MIPOL1: variants seen among roughly 807,000 people sequenced by gnomAD.
The protein encoded by MIPOL1 is mirror-image polydactyly gene 1 protein.
MIPOL1 carries 57 observed loss-of-function variants against 60.9 expected under a neutral mutation model. That is an observed-to-expected ratio of 0.94 (90% confidence interval 0.76 to 1.17). The LOEUF (loss-of-function observed/expected upper bound fraction) is 1.17, where lower values mean the gene tolerates loss of function less well. MIPOL1 is among the 50% of genes most tolerant of loss of function. The probability of loss-of-function intolerance (pLI) is 0.00; values close to 1 mark genes in which losing one functional copy is unlikely to be tolerated. For synonymous variants in MIPOL1, 179 were observed against 168.8 expected (o/e 1.06, Z -0.47); for missense variants, 551 against 511.6 (o/e 1.08, Z -0.74).
chr14:37,499,458 G>T (rs1051819066), intron 11 of MIPOL1, among the ~76,000 whole-genome samples: 1 of 152,090 alleles, frequency 6.6e-6, no homozygotes, highest in East Asian at 1.9e-4. Flanking sequence ...TATGTAGAAG[G>T]CTGGTCAGTG....
chr14:37,351,751 G>T (rs1391679958), intron 9 of MIPOL1, among the ~76,000 whole-genome samples: 1 of 118,034 alleles, frequency 8.5e-6, no homozygotes, highest in Non-Finnish European at 1.8e-5. Flanking sequence ...CTTTTTGATG[G>T]GGTTGTTTGT....
intron 12 of MIPOL1, among the ~76,000 whole-genome samples, chr14:37,539,485 G>A (rs559082869): frequency 6.6e-6 from 1 of 150,616 alleles, no homozygotes; most frequent in Admixed American, 6.5e-5. Context: ...AGAGATATAA[G>A]TTCCATTTCC....
intron 1 of MIPOL1, among the ~76,000 whole-genome samples, chr14:37,216,169 A>G (rs1967658853): frequency 6.6e-6 from 1 of 152,186 alleles, no homozygotes; most frequent in African/African-American, 2.4e-5. Flanking sequence ...ATTTCAAGAC[A>G]AAAACTATGA....
At chr14:37,262,989 A>G (rs1041801065) in intron 3 of MIPOL1, among the ~76,000 whole-genome samples, 3 of 152,186 alleles carry the variant, frequency 2.0e-5, no homozygotes, top group East Asian at 1.9e-4. Context: ...TTACTTCTGT[A>G]TAGTGGTCAT....
At chr14:37,459,663 G>A (rs1302314933) in intron 11 of MIPOL1, among the ~76,000 whole-genome samples, 11 of 152,062 alleles carry the variant, frequency 7.2e-5, no homozygotes, top group African/African-American at 1.9e-4. Context: ...TCCCTAACCC[G>A]TTCTATGAAA....
In MIPOL1 at chr14:37,268,341, A is replaced by C. The variant is rs557542837; in HGVS notation, c.252-317A>C. On this transcript the variant is annotated intron_variant, in intron 4 of 12. Coordinates refer to ENST00000684589, the MANE Select transcript of MIPOL1 (RefSeq NM_001388067.1). ...AAGTAGGGATAAACATTTTATAACCACATGGGTAAAGTAAATAGTAGAGAT... is the reference window on the plus strand; with the variant it reads ...AAGTAGGGATAAACATTTTATAACCCCATGGGTAAAGTAAATAGTAGAGAT... Among the ~76,000 whole-genome samples, 16 of 152,272 alleles carry C rather than the reference A, an allele frequency of 1.1e-4. No homozygotes were observed. In the South Asian group the frequency reaches 3.1e-3, roughly 30 times the overall value.
intron 11 of MIPOL1, among the ~76,000 whole-genome samples, chr14:37,448,758 A>C (rs1030554225): frequency 6.6e-6 from 1 of 152,190 alleles, no homozygotes; most frequent in African/African-American, 2.4e-5. Context: ...GAGAACTAAA[A>C]ATCTTACTTT....
intron 11 of MIPOL1, among the ~76,000 whole-genome samples, chr14:37,464,622 G>A (rs1337864463): frequency 6.6e-6 from 1 of 152,164 alleles, no homozygotes; most frequent in Non-Finnish European, 1.5e-5. Context: ...TTGAAAAATT[G>A]CCTGTTGGGT....
chr14:37,510,431 T>C (rs760775890), intron 12 of MIPOL1, among the ~76,000 whole-genome samples: 2 of 151,984 alleles, frequency 1.3e-5, no homozygotes, highest in Non-Finnish European at 2.9e-5. Flanking sequence ...GAGATGAGGT[T>C]TTATCATGTT....
chr14:37,501,030 A>G (rs1262056716), intron 12 of MIPOL1, among the ~76,000 whole-genome samples: 1 of 152,168 alleles, frequency 6.6e-6, no homozygotes, highest in Admixed American at 6.5e-5. Flanking sequence ...TGAAAATGTC[A>G]TCTTGACCAT....
intron 12 of MIPOL1, among the ~76,000 whole-genome samples, chr14:37,541,369 C>G (rs888035522): frequency 6.6e-6 from 1 of 152,156 alleles, no homozygotes; most frequent in Non-Finnish European, 1.5e-5. Flanking sequence ...AGACAGTTTC[C>G]TTATGTCCTC....
intron 9 of MIPOL1, among the ~76,000 whole-genome samples, chr14:37,315,419 A>G (rs1173197177): frequency 1.3e-5 from 2 of 152,218 alleles, no homozygotes; most frequent in Non-Finnish European, 2.9e-5. Flanking sequence ...CAGATATTGC[A>G]TCTAAATGCA....
At chr14:37,374,156 T>C (rs1343277237) in intron 10 of MIPOL1, among the ~76,000 whole-genome samples, 1 of 152,212 alleles carries the variant, frequency 6.6e-6, no homozygotes, top group African/African-American at 2.4e-5. Flanking sequence ...TTTCTTCATA[T>C]GTTTGTTGGC....
rs1397759808 is a variant in MIPOL1, at chr14:37,548,989, T to C, written c.*2018T>C. 1 of 151,982 alleles carries C rather than the reference T, an allele frequency of 6.6e-6. No individual in the cohort carries two copies. The highest frequency in any genetic ancestry group is 1.5e-5 in the Non-Finnish European group (1 of 67,848). The allele number at this position is 151,982 out of a possible 1,614,324, so 9.4% of individuals were successfully genotyped here. ...CAAAAATATCACATCCTCTTGAAAATGAATTGTCTACAAAATTTCAAATGC... is the reference window on the plus strand; with the variant it reads ...CAAAAATATCACATCCTCTTGAAAACGAATTGTCTACAAAATTTCAAATGC... On this transcript the variant is annotated 3_prime_UTR_variant, in exon 13 of 13. Coordinates refer to ENST00000684589, the MANE Select transcript of MIPOL1 (RefSeq NM_001388067.1).
At chr14:37,350,290 T>A (rs1311492315) in intron 9 of MIPOL1, among the ~76,000 whole-genome samples, 3 of 152,132 alleles carry the variant, frequency 2.0e-5, no homozygotes, top group Non-Finnish European at 4.4e-5. Flanking sequence ...GGTTCCCTGG[T>A]TGGTCTTGCA....
rs565251492 is a variant in MIPOL1, at chr14:37,231,093, G to T, written c.-198-16010G>T. Among the ~76,000 whole-genome samples, 188 of 151,962 alleles carry T rather than the reference G, an allele frequency of 1.2e-3. 2 individuals are homozygous for T. Among genetic ancestry groups the T allele is most frequent in the African/African-American group, 3.6e-3 (148 of 41,458 alleles). On this transcript the variant is annotated intron_variant, in intron 1 of 12. Coordinates refer to ENST00000684589, the MANE Select transcript of MIPOL1 (RefSeq NM_001388067.1). ...CAAGAAAATGTAAAAGATTTTATTA[G>T]TATTATTATTATTATTTTTGAGACA...
At chr14:37,485,128 AT>A (rs1200144446) in intron 11 of MIPOL1, among the ~76,000 whole-genome samples, 1 of 152,174 alleles carries the variant, frequency 6.6e-6, no homozygotes, top group Non-Finnish European at 1.5e-5. Flanking sequence ...TTTGCTGAGA[AT>A]GATGGTTTCC....
intron 9 of MIPOL1, among the ~76,000 whole-genome samples, chr14:37,340,878 T>G (rs2090520335): frequency 6.6e-6 from 1 of 152,158 alleles, no homozygotes; most frequent in South Asian, 2.1e-4. Flanking sequence ...TGCTATAAGC[T>G]CCATTCATGG....
chr14:37,432,306 T>C (rs1025936880), intron 11 of MIPOL1, among the ~76,000 whole-genome samples: 2 of 152,240 alleles, frequency 1.3e-5, no homozygotes, highest in Non-Finnish European at 2.9e-5. Context: ...AATATGTGTC[T>C]TAACTCCCCT....
Sources: gnomAD v4.1 joint callset for allele counts (sites outside exome capture counted in the v4.1 genomes callset) on GRCh38, gnomAD v4.1.1 for gene constraint, MANE v1.5 for transcripts, NCBI Gene and HGNC (gene_info 2026-07-23, HGNC 2026-07-21) for gene names.